The following TLE4 variants were observed in gnomAD, a reference collection of about 807,000 sequenced individuals.
TLE4 encodes TLE family member 4, transcriptional corepressor.
TLE4 carries 8 observed loss-of-function variants against 92.8 expected under a neutral mutation model. The ratio of observed to expected loss-of-function variants is 0.09; its 90% confidence interval spans 0.05 to 0.16. The LOEUF (loss-of-function observed/expected upper bound fraction) is 0.16. TLE4 is among the 10% of genes least tolerant of loss of function. The pLI is 1.00. For synonymous variants in TLE4, 371 were observed against 374.1 expected (o/e 0.99, Z 0.10); for missense variants, 675 against 997.6 (o/e 0.68, Z 4.36).
intron 4 of TLE4, among the ~76,000 whole-genome samples, chr9:79,598,646 T>C (rs1464245076): frequency 6.6e-6 from 1 of 152,206 alleles, no homozygotes; most frequent in East Asian, 1.9e-4. Flanking sequence ...TTTTTCAGAC[T>C]ATAATGCAGT....
chr9:79,619,739 A>G (rs1194464333), intron 5 of TLE4, among the ~76,000 whole-genome samples: 10 of 152,240 alleles, frequency 6.6e-5, no homozygotes, highest in Non-Finnish European at 1.5e-4. Flanking sequence ...TGACAGTGCC[A>G]TATATCGGAA....
intron 4 of TLE4, among the ~76,000 whole-genome samples, chr9:79,609,019 G>A (rs1304202815): frequency 6.6e-6 from 1 of 152,028 alleles, no homozygotes; most frequent in African/African-American, 2.4e-5. Flanking sequence ...AGTAAAATTT[G>A]TTATGTGATA....
intron 8 of TLE4, among the ~76,000 whole-genome samples, chr9:79,667,713 G>A (rs2061632810): frequency 1.3e-5 from 2 of 152,130 alleles, no homozygotes; most frequent in Admixed American, 6.5e-5. Context: ...TAAAGATAGT[G>A]TGGAGCTTCG....
chr9:79,706,896 C>T lies in TLE4; in HGVS notation c.933C>T (p.Ser311=). 6.2e-7 allele frequency: 1 copy of T among 1,613,912 alleles called. No individual in the cohort carries two copies. Among genetic ancestry groups the T allele is most frequent in the South Asian group, 1.1e-5 (1 of 91,048 alleles). The change falls in exon 11 of 20, where the codon AGC becomes AGT. Residue 311 remains serine, a synonymous_variant. Transcript: ENST00000376552. ...STPSSKSKEL[S]LNEKSTTPVS... Reference sequence around the variant, plus strand: ...CCTCCTCCAAATCCAAAGAACTTAGCCTTGTAAGCAGCTCCTTACCATCTC... The same window carrying T: ...CCTCCTCCAAATCCAAAGAACTTAGTCTTGTAAGCAGCTCCTTACCATCTC...
rs1564030668 is a variant in TLE4, at chr9:79,571,970, GTGT to G, written c.-816_-814del. 1 of 152,256 alleles carries G rather than the reference GTGT, an allele frequency of 6.6e-6. No individual in the cohort carries two copies. The highest frequency in any genetic ancestry group is 6.5e-5 in the Admixed American group (1 of 15,282). The allele number at this position is 152,256 out of a possible 1,614,324, so 9.4% of individuals were successfully genotyped here. On this transcript the variant is annotated 5_prime_UTR_variant, in exon 1 of 20. Transcript: ENST00000376552. ...GTCAAAGAAGTCACCTACACAGAGC[GTGT>G]TGTTAGAGCTGTGCTGAGCGGGTGT...
chr9:79,656,222 T>C (rs923712129), intron 8 of TLE4, among the ~76,000 whole-genome samples: 2 of 152,188 alleles, frequency 1.3e-5, no homozygotes, highest in African/African-American at 4.8e-5. Context: ...GCTTGTTCCA[T>C]CGATCGTCCT....
At chr9:79,587,754 T>C (rs2041496909) in intron 4 of TLE4, among the ~76,000 whole-genome samples, 1 of 152,300 alleles carries the variant, frequency 6.6e-6, no homozygotes, top group Non-Finnish European at 1.5e-5. Context: ...GGTCCTTCTA[T>C]AGGCTAAGAG....
At chr9:79,679,539 G>A (rs2135207383) in intron 8 of TLE4, among the ~76,000 whole-genome samples, 1 of 152,172 alleles carries the variant, frequency 6.6e-6, no homozygotes, top group East Asian at 1.9e-4. Context: ...TGAGTAGGTT[G>A]AGAAAATTTT....
Position 79,708,199 on chromosome 9 carries a change from A to C in TLE4, c.1018A>C (p.Thr340Pro). The C allele has an allele frequency of 6.2e-7, 1 of 1,613,908 alleles. No homozygotes were observed. Among genetic ancestry groups the C allele is most frequent in the Non-Finnish European group, 8.5e-7 (1 of 1,179,986 alleles). The change falls in exon 12 of 20, where the codon ACT (threonine) becomes CCT (proline). Residue 340 changes from threonine to proline, a missense_variant. By Grantham distance (38) the Thr-to-Pro change is conservative (BLOSUM62 -1). Around this residue, in one of 5 missense-constraint regions of TLE4, gnomAD observed 280 missense variants for 287.3 expected, o/e 0.97. Coordinates refer to ENST00000376552, the MANE Select transcript of TLE4 (RefSeq NM_007005.6). ...TGCGCCCACCCCAGGCAGTAACTCTACTCCCGGATTGAGGCCTGTACCTGG... is the reference window on the plus strand; with the variant it reads ...TGCGCCCACCCCAGGCAGTAACTCTCCTCCCGGATTGAGGCCTGTACCTGG... ...TDAPTPGSNS[T>P]PGLRPVPGKP...
chr9:79,592,155 C>CTT (rs769209629), intron 4 of TLE4, among the ~76,000 whole-genome samples: 6 of 146,234 alleles, frequency 4.1e-5, no homozygotes, highest in Non-Finnish European at 8.9e-5. Context: ...CTTCTTTCTT[C>CTT]TTCTTCTTCT....
At chr9:79,718,288 G>A (rs755327391) in intron 14 of TLE4, among the ~76,000 whole-genome samples, 3 of 152,052 alleles carry the variant, frequency 2.0e-5, no homozygotes, top group South Asian at 2.1e-4. Flanking sequence ...GTCCCTTGCC[G>A]GGAATGAATT....
intron 6 of TLE4, among the ~76,000 whole-genome samples, chr9:79,628,662 T>C (rs1414669268): frequency 6.6e-6 from 1 of 151,824 alleles, no homozygotes; most frequent in East Asian, 1.9e-4. Context: ...CTTTATTTCC[T>C]CCAGAGTGCC....
chr9:79,720,268 G>A lies in TLE4; in HGVS notation c.1813G>A (p.Asp605Asn). 1 of 1,613,646 alleles carries A rather than the reference G, an allele frequency of 6.2e-7. No individual in the cohort carries two copies. Among genetic ancestry groups the A allele is most frequent in the Non-Finnish European group, 8.5e-7 (1 of 1,179,720 alleles). Reference protein sequence around the residue: ...CCSDGNIAVWDLHNQTLVRQF... With the variant: ...CCSDGNIAVWNLHNQTLVRQF... ...CAGCGACGGCAACATCGCTGTGTGG[G>A]ATCTGCACAACCAGACCTTGGTGAG... Residue 605 changes from aspartate to asparagine, a missense_variant, in exon 16 of 20, where the codon GAT becomes AAT. Physicochemically the swap from Asp to Asn is conservative, Grantham distance 23. This residue lies in a region of TLE4 where 170 missense variants were observed against 359.6 expected (regional missense o/e 0.47). Transcript: ENST00000376552.
chr9:79,689,859 A>G (rs185969272), intron 8 of TLE4, among the ~76,000 whole-genome samples: 2 of 152,288 alleles, frequency 1.3e-5, no homozygotes, highest in Admixed American at 1.3e-4. Flanking sequence ...CAACTTTAGA[A>G]TCACCTGGGA....
intron 14 of TLE4, among the ~76,000 whole-genome samples, chr9:79,717,652 A>G (rs1327520551): frequency 2.0e-5 from 3 of 152,116 alleles, no homozygotes; most frequent in African/African-American, 7.2e-5. Flanking sequence ...GGAACGATAA[A>G]CTGTTTTAAT....
chr9:79,607,893 G>T (rs551739648), intron 4 of TLE4, among the ~76,000 whole-genome samples: 1 of 150,936 alleles, frequency 6.6e-6, no homozygotes, highest in Admixed American at 6.6e-5. Context: ...CTTTTTTTTT[G>T]GTTCCATATG....
intron 8 of TLE4, among the ~76,000 whole-genome samples, chr9:79,684,288 G>T (rs2065321173): frequency 1.3e-5 from 2 of 152,120 alleles, no homozygotes; most frequent in African/African-American, 4.8e-5. Context: ...GGGTGGTCTA[G>T]AACAGGGATC....
intron 6 of TLE4, among the ~76,000 whole-genome samples, chr9:79,647,464 C>T (rs917497086): frequency 6.6e-6 from 1 of 152,058 alleles, no homozygotes; most frequent in Non-Finnish European, 1.5e-5. Context: ...TCTGTATGTT[C>T]GATCACTAAA....
intron 11 of TLE4, 55 bp from the exon 12 acceptor site, chr9:79,708,063 C>T (rs983723276): frequency 2.3e-5 from 36 of 1,570,228 alleles, no homozygotes; most frequent in South Asian, 1.3e-4. Context: ...TACTGTTTAA[C>T]GTCATTGTTA....
Sources: gnomAD v4.1 joint callset for allele counts (sites outside exome capture counted in the v4.1 genomes callset) on GRCh38, gnomAD v4.1.1 for gene constraint, gnomAD v4.1.1 regional missense constraint, MANE v1.5 for transcripts, NCBI Gene and HGNC (gene_info 2026-07-23, HGNC 2026-07-21) for gene names.